Variants in SH3TC2 observed in about 807,000 individuals in gnomAD.
The protein encoded by SH3TC2 is SH3 domain and tetratricopeptide repeats 2.
Under a neutral mutation model 124.5 loss-of-function variants are expected in SH3TC2, and 87 were observed. The observed-to-expected ratio is 0.70, with a 90% CI of 0.59 to 0.84. SH3TC2 has a LOEUF of 0.84. SH3TC2 is among the 40% of genes least tolerant of loss of function. The pLI, the probability that SH3TC2 is intolerant of heterozygous loss-of-function variation, is 0.00. For synonymous variants in SH3TC2, 634 were observed against 628.5 expected (o/e 1.01, Z -0.13); for missense variants, 1,536 against 1,566.4 (o/e 0.98, Z 0.33).
chr5:149,006,962 T>G lies in SH3TC2; in HGVS notation c.3594A>C (p.Pro1198=), dbSNP rs6871030. 646,227 of 1,613,722 alleles carry G rather than the reference T, an allele frequency of 0.4. 131,447 individuals carry two copies. Among genetic ancestry groups the G allele is most frequent in the South Asian group, 0.47 (42,493 of 91,070 alleles). ...GGGCCTCCTTGGGACTCTGCAGCCATGGTGGACAGAGGGACAGGGTCTTCA... is the reference window on the plus strand; with the variant it reads ...GGGCCTCCTTGGGACTCTGCAGCCAGGGTGGACAGAGGGACAGGGTCTTCA... The part of the protein sequence containing the change: ...CYLKTLSLCP[P]WLQSPKEALY... The change falls in exon 16 of 17, where the codon CCA becomes CCC. Residue 1198 remains proline, a synonymous_variant. Coordinates refer to ENST00000515425, the MANE Select transcript of SH3TC2 (RefSeq NM_024577.4).
chr5:149,006,922 C>A lies in SH3TC2; in HGVS notation c.3634G>T (p.Val1212Leu), dbSNP rs756174696. The A allele has an allele frequency of 6.2e-7, 1 of 1,614,148 alleles. No individual in the cohort carries two copies. The highest frequency in any genetic ancestry group is 1.7e-5 in the Admixed American group (1 of 60,028). Residue 1212 changes from valine to leucine, a missense_variant, in exon 16 of 17, where the codon GTG (valine) becomes TTG (leucine). Transcript: ENST00000515425. ...SPKEALYYAK[V>L]YYRLGRLTFC... ...GTGAGTCTGCCCAGGCGATAATACA[C>A]CTTGGCATAGTACAGGGCCTCCTTG...
At chr5:149,012,500 T>C (rs1753800130) in intron 13 of SH3TC2, 84 bp downstream of exon 13, 2 of 1,543,826 alleles carry the variant, frequency 1.3e-6, no homozygotes, top group African/African-American at 2.7e-5. Flanking sequence ...CCTCTCTGGT[T>C]CCCCCTGGTT....
rs1753639287 is a variant in SH3TC2, at chr5:149,003,950, T to C, written c.*761A>G. The C allele has an allele frequency of 3.5e-6, 1 of 283,194 alleles. No homozygotes were observed. Among genetic ancestry groups the C allele is most frequent in the East Asian group, 9.1e-5 (1 of 10,996 alleles). 17.5% of individuals were successfully genotyped at this position (283,194 alleles called of 1,614,324 possible). A position where few individuals can be genotyped will look rare whatever the true frequency, so the allele number is the denominator to read the frequency against. On this transcript the variant is annotated 3_prime_UTR_variant, in exon 17 of 17. Transcript: ENST00000515425. ...CATTGTGGATGAGACAAAATGTGTG[T>C]GTAAATGTAACTGGACAATATTTAA...
chr5:149,062,293 C>T, intron 1 of SH3TC2: 1 of 526,416 alleles, frequency 1.9e-6, no homozygotes, highest in South Asian at 1.4e-5. Flanking sequence ...CTTGATTCTC[C>T]TCTGAAAAAA....
At position 148,999,329 on chromosome 5, in the gene SH3TC2, C is replaced by T. The variant is rs1753560017; in HGVS notation, c.*5382G>A. 6.6e-6 allele frequency among the ~76,000 whole-genome samples: 1 copy of T among 152,188 alleles called. No homozygotes were observed. Among genetic ancestry groups the T allele is most frequent in the Non-Finnish European group, 1.5e-5 (1 of 68,038 alleles). ...ATAAGTAAGTCTGATATAATTCTGACAGCCCTGGGCTCAGGGAAGTTAATT... is the reference window on the plus strand; with the variant it reads ...ATAAGTAAGTCTGATATAATTCTGATAGCCCTGGGCTCAGGGAAGTTAATT... On this transcript the variant is annotated 3_prime_UTR_variant, in exon 17 of 17. Coordinates refer to ENST00000515425, the MANE Select transcript of SH3TC2 (RefSeq NM_024577.4).
rs1450566312 is a variant in SH3TC2 at position 149,006,910 on chromosome 5, G to A, written c.3646C>T (p.Leu1216=). The A allele has an allele frequency of 1.2e-6, 2 of 1,613,896 alleles. No individual in the cohort carries two copies. Among genetic ancestry groups the A allele is most frequent in the East Asian group, 2.2e-5 (1 of 44,886 alleles). The part of the protein sequence containing the change: ...ALYYAKVYYR[L]GRLTFCQLKD... ...AGCTGGCAGAAGGTGAGTCTGCCCA[G>A]GCGATAATACACCTTGGCATAGTAC... is the stretch of plus-strand genomic sequence containing the variant. Residue 1216 remains leucine (L), a synonymous_variant, in exon 16 of 17, where the codon CTG becomes TTG. Transcript: ENST00000515425.
chr5:149,037,724 G>A (rs1173022084), intron 8 of SH3TC2, among the ~76,000 whole-genome samples: 1 of 152,144 alleles, frequency 6.6e-6, no homozygotes, highest in African/African-American at 2.4e-5. Flanking sequence ...GGTGGGTGGA[G>A]CAGGCTGATC....
chr5:149,030,767 A>G (rs535855147), intron 9 of SH3TC2, among the ~76,000 whole-genome samples: 2 of 152,382 alleles, frequency 1.3e-5, no homozygotes, highest in Non-Finnish European at 2.9e-5. Flanking sequence ...AATATGGATC[A>G]TCTAATCTGG....
intron 8 of SH3TC2, among the ~76,000 whole-genome samples, chr5:149,036,780 G>A (rs1754289668): frequency 6.6e-6 from 1 of 152,130 alleles, no homozygotes; most frequent in Non-Finnish European, 1.5e-5. Context: ...CCTCCATCCA[G>A]ACCAGTTACA....
Position 149,010,315 on chromosome 5 carries a change from G to T in SH3TC2, c.3282C>A (p.Phe1094Leu). The T allele has an allele frequency of 6.2e-7, 1 of 1,614,050 alleles. No individual in the cohort carries two copies. The change falls in exon 14 of 17, where the codon TTC (phenylalanine) becomes TTA (leucine). Residue 1094 changes from phenylalanine to leucine, a missense_variant. By Grantham distance (22) the Phe-to-Leu change is conservative. Around this residue, in one of 3 missense-constraint regions of SH3TC2, gnomAD observed 426 missense variants for 443.5 expected, o/e 0.96. Coordinates refer to ENST00000515425, the MANE Select transcript of SH3TC2 (RefSeq NM_024577.4). The part of the protein sequence containing the change: ...LKLYEEAGDV[F>L]FNGTRHRHHA... ...GATGCCTGTGGCGGGTCCCATTGAAGAACACATCACCTGCTTCTTCATAAA... is the reference window on the plus strand; with the variant it reads ...GATGCCTGTGGCGGGTCCCATTGAATAACACATCACCTGCTTCTTCATAAA...
At chr5:149,034,780 A>AT (rs1754255542) in intron 8 of SH3TC2, among the ~76,000 whole-genome samples, 1 of 152,186 alleles carries the variant, frequency 6.6e-6, no homozygotes, top group African/African-American at 2.4e-5. Flanking sequence ...ACAAAAATCA[A>AT]TAAAGATGGT....
In SH3TC2 at chr5:148,999,373, C is replaced by T. The variant is rs1753560554; in HGVS notation, c.*5338G>A. Among the ~76,000 whole-genome samples, 1 of 152,194 alleles carries T rather than the reference C, an allele frequency of 6.6e-6. No individual in the cohort carries two copies. The highest frequency in any genetic ancestry group is 2.4e-5 in the African/African-American group (1 of 41,462). On this transcript the variant is annotated 3_prime_UTR_variant, in exon 17 of 17. Transcript: ENST00000515425. ...GTTAATTAATTTGCAGAAGGTCACA[C>T]AGCTAGTAAGAAACAGATTCTAACC... is the stretch of plus-strand genomic sequence containing the variant.
rs1561774152 is a variant in SH3TC2, at chr5:149,054,226, C to CTTA, written c.53-1987_53-1986insTAA. ...AAAGGAATAAAAAGAAAAAATATTG[C>CTTA]TTCATCCTTAGAGATTCAGATTTTT... On this transcript the variant is annotated intron_variant, in intron 1 of 16. Coordinates refer to ENST00000515425, the MANE Select transcript of SH3TC2 (RefSeq NM_024577.4). 3.9e-5 allele frequency among the ~76,000 whole-genome samples: 6 copies of CTTA among 152,200 alleles called. No homozygotes were observed. The South Asian group carries it at 1.2e-3, about 32-fold the overall frequency.
At chr5:149,044,507 C>T (rs375261665) in intron 4 of SH3TC2, 26 bp downstream of exon 4, 15 of 1,588,656 alleles carry the variant, frequency 9.4e-6, no homozygotes, top group Admixed American at 3.3e-5. Context: ...GGAGGTCATC[C>T]TCCACCTGCT....
At chr5:149,057,688 T>G (rs138564696) in intron 1 of SH3TC2, 1 of 152,194 alleles carries the variant, frequency 6.6e-6, no homozygotes, top group African/African-American at 2.4e-5. Context: ...CTGTGATCGG[T>G]ATGCATTTGT....
chr5:149,006,469 C>T (rs548054373), intron 16 of SH3TC2, among the ~76,000 whole-genome samples: 1 of 152,260 alleles, frequency 6.6e-6, no homozygotes, highest in South Asian at 2.1e-4. Flanking sequence ...TGGTCTGTAA[C>T]ATTTTATGGA....
chr5:148,989,563 A>C lies in SH3TC2; in HGVS notation c.*15148T>G, dbSNP rs1463846501. Among the ~76,000 whole-genome samples, 1 of 152,224 alleles carries C rather than the reference A, an allele frequency of 6.6e-6. No individual in the cohort carries two copies. Among genetic ancestry groups the C allele is most frequent in the Admixed American group, 6.5e-5 (1 of 15,282 alleles). On this transcript the variant is annotated 3_prime_UTR_variant, in exon 17 of 17. Coordinates refer to ENST00000515425, the MANE Select transcript of SH3TC2 (RefSeq NM_024577.4). ...AAATCACTCTGAAGGAAGGACTTAC[A>C]TGTGAGTTTTGGGGATTGCAAAGTG... is the stretch of plus-strand genomic sequence containing the variant.
chr5:149,007,675 G>A (rs1298739933), intron 15 of SH3TC2: 1 of 170,570 alleles, frequency 5.9e-6, no homozygotes, highest in Non-Finnish European at 1.3e-5. Flanking sequence ...TAGAATGCTG[G>A]TTTCTAACGG....
chr5:148,987,794 G>A lies in SH3TC2; in HGVS notation c.*16917C>T, dbSNP rs887066107. ...CTCACCAAGTCATGTCCTCACTCGA[G>A]GCCTCATTCAAAATCTGTGTGTGTG... On this transcript the variant is annotated 3_prime_UTR_variant, in exon 17 of 17. Coordinates refer to ENST00000515425, the MANE Select transcript of SH3TC2 (RefSeq NM_024577.4). Among the ~76,000 whole-genome samples, 1 of 149,074 alleles carries A rather than the reference G, an allele frequency of 6.7e-6. No individual in the cohort carries two copies. Among genetic ancestry groups the A allele is most frequent in the Non-Finnish European group, 1.5e-5 (1 of 67,536 alleles).
Sources: gnomAD v4.1 joint callset for allele counts (sites outside exome capture counted in the v4.1 genomes callset) on GRCh38, gnomAD v4.1.1 for gene constraint, gnomAD v4.1.1 regional missense constraint, MANE v1.5 for transcripts, NCBI Gene and HGNC (gene_info 2026-07-23, HGNC 2026-07-21) for gene names.